XYLT1: variants seen among roughly 807,000 people sequenced by gnomAD.
XYLT1 encodes the protein beta-D-xylosyltransferase 1.
A neutral mutation model predicts 91.3 loss-of-function variants in XYLT1; 36 were observed. That is an observed-to-expected ratio of 0.39 (90% CI 0.30 to 0.52). XYLT1 has a LOEUF of 0.52. XYLT1 is among the 20% of genes least tolerant of loss of function. The pLI is 0.68. For missense variants in XYLT1, 1,242 were observed against 1,284.5 expected, an observed-to-expected ratio of 0.97 and a Z score of 0.51; for synonymous variants, 588 against 532.0, an observed-to-expected ratio of 1.11 and a Z score of -1.45.
In XYLT1 at chr16:17,200,664, A is replaced by G. The variant is rs973753538; in HGVS notation, c.914-10T>C. On this transcript the variant is annotated splice_polypyrimidine_tract_variant and intron_variant, in intron 3 of 11. Coordinates refer to ENST00000261381, the MANE Select transcript of XYLT1 (RefSeq NM_022166.4). The stretch of plus-strand genomic sequence containing the variant: ...TTCTTGTTGGCTTTACCTGGGGAAA[A>G]TCCAAGAGAACAGAGAGGAGAAAGT... The G allele has an allele frequency of 6.2e-7, 1 of 1,610,504 alleles. No homozygotes were observed. The highest frequency in any genetic ancestry group is 8.5e-7 in the Non-Finnish European group (1 of 1,176,980).
Position 17,361,067 on chromosome 16 carries a change from C to T in XYLT1, c.364-3017G>A, listed in dbSNP as rs149885733. Among the ~76,000 whole-genome samples, 648 of 152,308 alleles carry T rather than the reference C, an allele frequency of 4.3e-3. 3 individuals are homozygous for T. The highest frequency in any genetic ancestry group is 7.0e-3 in the African/African-American group (292 of 41,568). On this transcript the variant is annotated intron_variant, in intron 1 of 11. Transcript: ENST00000261381. ...ATCCATGCCCTCTGGTCATGTGACTCGACAGTTCTTTACTGTGTGCTTCTG... is the reference window on the plus strand; with the variant it reads ...ATCCATGCCCTCTGGTCATGTGACTTGACAGTTCTTTACTGTGTGCTTCTG...
chr16:17,138,733 C>A (rs2141516300), intron 7 of XYLT1: 1 of 553,622 alleles, frequency 1.8e-6, no homozygotes, highest in Non-Finnish European at 3.1e-6. Context: ...TTATAAATTA[C>A]CAAGCCTCAG....
At chr16:17,319,624 G>A (rs1002759425) in intron 2 of XYLT1, among the ~76,000 whole-genome samples, 1 of 151,952 alleles carries the variant, frequency 6.6e-6, no homozygotes, top group Non-Finnish European at 1.5e-5. Flanking sequence ...TGTATTTTTA[G>A]TACAGTCAGT....
At chr16:17,341,804 A>C (rs1312321808) in intron 2 of XYLT1, among the ~76,000 whole-genome samples, 1 of 152,184 alleles carries the variant, frequency 6.6e-6, no homozygotes, top group African/African-American at 2.4e-5. Flanking sequence ...ATCTCCTTTC[A>C]GAACACATCC....
In XYLT1 at chr16:17,266,184, T is replaced by G. The variant is rs150801472; in HGVS notation, c.403-6686A>C. Among the ~76,000 whole-genome samples, 147 of 152,222 alleles carry G rather than the reference T, an allele frequency of 9.7e-4. 2 individuals carry two copies. Among genetic ancestry groups the G allele is most frequent in the African/African-American group, 3.4e-3 (140 of 41,534 alleles). ...AGGTCTGGACTCAGGAAGAAGTGAG[T>G]TTGATTCCTCCCTTCTCCATTTGCT... On this transcript the variant is annotated intron_variant, in intron 2 of 11. Coordinates refer to ENST00000261381, the MANE Select transcript of XYLT1 (RefSeq NM_022166.4).
In XYLT1 at chr16:17,138,339, C is replaced by T. The variant is rs1158430592; in HGVS notation, c.1764+16G>A. The T allele has an allele frequency of 5.6e-6, 9 of 1,603,780 alleles. No individual in the cohort carries two copies. The highest frequency in any genetic ancestry group is 7.7e-6 in the Non-Finnish European group (9 of 1,172,102). ...GGCATCACTTAGGAGGCTGGCAGAC[C>T]ATGAGAAAGTCTCACCTGGAAGCGG... On this transcript the variant is annotated intron_variant, in intron 8 of 11. Coordinates refer to ENST00000261381, the MANE Select transcript of XYLT1 (RefSeq NM_022166.4).
chr16:17,441,178 G>A (rs966671233), intron 1 of XYLT1, among the ~76,000 whole-genome samples: 1 of 151,726 alleles, frequency 6.6e-6, no homozygotes, highest in African/African-American at 2.4e-5. Flanking sequence ...AGGTTCAAGC[G>A]ATTCTCCTGC....
chr16:17,111,370 GTTT>G (rs1966840465), intron 11 of XYLT1, among the ~76,000 whole-genome samples: 1 of 152,162 alleles, frequency 6.6e-6, no homozygotes, highest in African/African-American at 2.4e-5. Context: ...TTCATTGCTT[GTTT>G]TATTGCTCAG....
intron 1 of XYLT1, among the ~76,000 whole-genome samples, chr16:17,444,221 C>A (rs2036565834): frequency 6.6e-6 from 1 of 152,206 alleles, no homozygotes; most frequent in African/African-American, 2.4e-5. Context: ...ACCATAGTCA[C>A]CGTCTAATAC....
chr16:17,158,038 C>T (rs201419189), intron 6 of XYLT1, among the ~76,000 whole-genome samples: 2 of 49,040 alleles, frequency 4.1e-5, no homozygotes, highest in African/African-American at 1.1e-4. Flanking sequence ...TGAGCCACTG[C>T]GCCTGGCCTT....
At chr16:17,380,585 CT>C (rs1470846643) in intron 1 of XYLT1, among the ~76,000 whole-genome samples, 1 of 152,112 alleles carries the variant, frequency 6.6e-6, no homozygotes, top group Non-Finnish European at 1.5e-5. Flanking sequence ...AAGGTGGCTT[CT>C]CAAAAAATTA....
At chr16:17,446,632 AC>A (rs1405187493) in intron 1 of XYLT1, among the ~76,000 whole-genome samples, 1 of 152,190 alleles carries the variant, frequency 6.6e-6, no homozygotes, top group African/African-American at 2.4e-5. Flanking sequence ...TTTCAGAAAC[AC>A]CCATGTCTTC....
intron 3 of XYLT1, among the ~76,000 whole-genome samples, chr16:17,245,031 A>C (rs568603230): frequency 6.6e-6 from 1 of 150,954 alleles, no homozygotes; most frequent in Non-Finnish European, 1.5e-5. Context: ...ACAAAACCAC[A>C]CTCTTTTTTT....
In XYLT1 at chr16:17,259,100, G is replaced by A. The variant is rs1463659175; in HGVS notation, c.801C>T (p.Ala267=). The change falls in exon 3 of 12, where the codon GCC becomes GCT. Residue 267 remains alanine (A), a synonymous_variant. Coordinates refer to ENST00000261381, the MANE Select transcript of XYLT1 (RefSeq NM_022166.4). Reference sequence around the variant, plus strand: ...AGTGCTTGGACTTAGCACGGGACAGGGCAGAGATGGCCTCCTTGCCTGAGA... The same window carrying A: ...AGTGCTTGGACTTAGCACGGGACAGAGCAGAGATGGCCTCCTTGCCTGAGA... ...CDISGKEAIS[A]LSRAKSKHCR... 4.5e-6 allele frequency: 7 copies of A among 1,566,772 alleles called. No individual in the cohort carries two copies. Among genetic ancestry groups the A allele is most frequent in the South Asian group, 3.6e-5 (3 of 83,882 alleles).
intron 2 of XYLT1, among the ~76,000 whole-genome samples, chr16:17,317,892 C>T (rs2034660055): frequency 6.6e-6 from 1 of 152,128 alleles, no homozygotes; most frequent in Non-Finnish European, 1.5e-5. Context: ...ACACACTATT[C>T]CTCTGCCTGG....
intron 2 of XYLT1, among the ~76,000 whole-genome samples, chr16:17,345,204 C>T (rs1189813805): frequency 2.0e-5 from 3 of 152,342 alleles, no homozygotes; most frequent in East Asian, 3.9e-4. Context: ...CATGTGGTGA[C>T]GACACAGTTC....
intron 5 of XYLT1, among the ~76,000 whole-genome samples, chr16:17,187,099 T>C (rs1216552810): frequency 6.6e-6 from 1 of 151,902 alleles, no homozygotes; most frequent in African/African-American, 2.4e-5. Flanking sequence ...TTCTAAAATG[T>C]AGAAGAATCA....
chr16:17,195,173 C>T (rs1334080278), intron 5 of XYLT1, among the ~76,000 whole-genome samples: 1 of 152,182 alleles, frequency 6.6e-6, no homozygotes, highest in Non-Finnish European at 1.5e-5. Flanking sequence ...TTCCTGGCAT[C>T]TAGTGGGTAG....
intron 1 of XYLT1, among the ~76,000 whole-genome samples, chr16:17,439,684 A>C (rs1338784382): frequency 6.6e-6 from 1 of 152,236 alleles, no homozygotes; most frequent in East Asian, 1.9e-4. Context: ...TCTGCTTTCC[A>C]TTGTTAAAAA....
Sources: gnomAD v4.1 joint callset for allele counts (sites outside exome capture counted in the v4.1 genomes callset) on GRCh38, gnomAD v4.1.1 for gene constraint, MANE v1.5 for transcripts, NCBI Gene and HGNC (gene_info 2026-07-23, HGNC 2026-07-21) for gene names.